The following UGT1A7 variants were observed in gnomAD, a reference collection of about 807,000 sequenced individuals.
UGT1A7 encodes UDP-glucuronosyltransferase 1A7.
UGT1A7 carries 33 observed loss-of-function variants against 45.6 expected under a neutral mutation model. That is an observed-to-expected ratio of 0.72 (90% CI 0.55 to 0.97). The LOEUF is 0.97. Ranked by LOEUF, UGT1A7 falls within the 50% of genes least tolerant of loss-of-function variation. UGT1A7 has a pLI of 0.00. For synonymous variants in UGT1A7, 274 were observed against 250.6 expected, an observed-to-expected ratio of 1.09 and a Z score of -0.88; for missense variants, 684 against 666.2, an observed-to-expected ratio of 1.03 and a Z score of -0.29.
intron 1 of UGT1A7, among the ~76,000 whole-genome samples, chr2:233,715,799 G>A (rs2076471027): frequency 6.6e-6 from 1 of 152,116 alleles, no homozygotes; most frequent in African/African-American, 2.4e-5. Context: ...TTTGGAATGT[G>A]AAAATCTTGT....
At position 233,769,466 on chromosome 2, in the gene UGT1A7, T is replaced by C. The variant is rs1023177408; in HGVS notation, c.1295+1027T>C. On this transcript the variant is annotated intron_variant, in intron 4 of 4. Coordinates refer to ENST00000373426, the MANE Select transcript of UGT1A7 (RefSeq NM_019077.3). The surrounding 1 kb of genome is among the most constrained non-coding windows in gnomAD (Gnocchi z 4.4). ...GTGCACACGTGTGCATTCATATGCG[T>C]GTGTGTGTGTGTGCGTGTGTTTATG... 86 of 1,281,398 alleles carry C rather than the reference T, an allele frequency of 6.7e-5. No homozygotes were observed. The South Asian group carries it at 1.2e-3, about 18-fold the overall frequency. 79.4% of individuals were successfully genotyped at this position (1,281,398 alleles called of 1,614,324 possible).
At chr2:233,733,467 T>C (rs1231122039) in intron 1 of UGT1A7, among the ~76,000 whole-genome samples, 1 of 152,200 alleles carries the variant, frequency 6.6e-6, no homozygotes, top group African/African-American at 2.4e-5. Context: ...GCTCTTATTA[T>C]TTTGAGATAC....
At chr2:233,768,723 C>T (rs1162218085) in intron 4 of UGT1A7, among the ~76,000 whole-genome samples, 1 of 151,234 alleles carries the variant, frequency 6.6e-6, no homozygotes, top group Non-Finnish European at 1.5e-5. Flanking sequence ...GCTGGGATTA[C>T]AGGTGTCCAC....
At chr2:233,705,266 T>G (rs778471512) in intron 1 of UGT1A7, among the ~76,000 whole-genome samples, 1 of 152,250 alleles carries the variant, frequency 6.6e-6, no homozygotes, top group African/African-American at 2.4e-5. Flanking sequence ...ATGGGGTCAC[T>G]TGCTTTCAAC....
intron 1 of UGT1A7, among the ~76,000 whole-genome samples, chr2:233,725,051 G>A: frequency 6.8e-6 from 1 of 147,840 alleles, no homozygotes; most frequent in East Asian, 2.1e-4. Flanking sequence ...GTCAGGCGTG[G>A]CGGCGCGCGC....
intron 1 of UGT1A7, chr2:233,719,434 T>A: frequency 1.9e-6 from 3 of 1,613,970 alleles, no homozygotes; most frequent in Non-Finnish European, 2.5e-6. Flanking sequence ...TCAGACCACA[T>A]GACATTCCTG....
intron 1 of UGT1A7, among the ~76,000 whole-genome samples, chr2:233,758,412 A>C (rs1428441093): frequency 6.6e-6 from 1 of 152,106 alleles, no homozygotes; most frequent in Non-Finnish European, 1.5e-5. Context: ...TACTGTCTAT[A>C]ATCTGCAAAT....
chr2:233,746,051 G>T (rs1270238597), intron 1 of UGT1A7, among the ~76,000 whole-genome samples: 3 of 151,680 alleles, frequency 2.0e-5, no homozygotes, highest in Non-Finnish European at 2.9e-5. Flanking sequence ...TGGATGCAGG[G>T]TCTAGAACGA....
chr2:233,749,178 ACTT>A (rs1418442763), intron 1 of UGT1A7, among the ~76,000 whole-genome samples: 1 of 151,644 alleles, frequency 6.6e-6, no homozygotes, highest in Non-Finnish European at 1.5e-5. Flanking sequence ...TTATTTCTGT[ACTT>A]CTTTTTATTA....
At chr2:233,687,455 G>C (rs559726557) in intron 1 of UGT1A7, among the ~76,000 whole-genome samples, 8 of 152,152 alleles carry the variant, frequency 5.3e-5, no homozygotes, top group African/African-American at 1.9e-4. Flanking sequence ...TATTTACATG[G>C]AAGCTGGCAT....
intron 1 of UGT1A7, among the ~76,000 whole-genome samples, chr2:233,747,017 T>A (rs1217876341): frequency 1.3e-5 from 2 of 151,764 alleles, no homozygotes; most frequent in Non-Finnish European, 2.9e-5. Flanking sequence ...GAGTGATCGG[T>A]CTTTCCCGAA....
chr2:233,743,385 C>T, intron 1 of UGT1A7: 1 of 1,211,156 alleles, frequency 8.3e-7, no homozygotes, highest in Non-Finnish European at 1.1e-6. Flanking sequence ...TACCGTAGGA[C>T]ATGCAGAAGG....
chr2:233,743,959 C>G (rs371517697), intron 1 of UGT1A7: 3 of 1,333,990 alleles, frequency 2.2e-6, no homozygotes, highest in Admixed American at 2.0e-5. Flanking sequence ...GCACAGCGAG[C>G]GGCAAGGCTG....
At chr2:233,726,824 AT>A (rs2077564743) in intron 1 of UGT1A7, among the ~76,000 whole-genome samples, 1 of 152,136 alleles carries the variant, frequency 6.6e-6, no homozygotes, top group Non-Finnish European at 1.5e-5. Context: ...CTATTCGACC[AT>A]TTAAATTTAA....
intron 1 of UGT1A7, chr2:233,690,534 A>C (rs1240259112): frequency 3.1e-6 from 4 of 1,287,984 alleles, no homozygotes; most frequent in Non-Finnish European, 4.0e-6. Flanking sequence ...TACTTCTTTC[A>C]CCCCACTGGA....
chr2:233,730,336 A>G (rs552905312), intron 1 of UGT1A7, among the ~76,000 whole-genome samples: 1 of 152,310 alleles, frequency 6.6e-6, no homozygotes, highest in African/African-American at 2.4e-5. Flanking sequence ...TACGTTTGGA[A>G]CTGATCCATC....
intron 1 of UGT1A7, chr2:233,719,470 C>T (rs568794982): frequency 6.2e-7 from 1 of 1,613,998 alleles, no homozygotes; most frequent in South Asian, 1.1e-5. Flanking sequence ...ATGCTCTACC[C>T]TCTGGCCCTG....
At chr2:233,742,623 T>C (rs1436879759) in intron 1 of UGT1A7, 3 of 151,992 alleles carry the variant, frequency 2.0e-5, no homozygotes, top group Non-Finnish European at 2.9e-5. Flanking sequence ...ACGTTCAGGC[T>C]GAAGACAGTC....
chr2:233,703,154 T>C (rs867081835), intron 1 of UGT1A7, among the ~76,000 whole-genome samples: 24 of 152,318 alleles, frequency 1.6e-4, no homozygotes, highest in African/African-American at 4.8e-4. Context: ...ATTTTGTATT[T>C]CTTCTTGATT....
Sources: allele counts gnomAD v4.1 joint callset (sites outside exome capture counted in the v4.1 genomes callset), GRCh38; gene constraint gnomAD v4.1.1; non-coding constraint Gnocchi (gnomAD v3.1); transcripts MANE v1.5; gene names NCBI Gene and HGNC (gene_info 2026-07-23, HGNC 2026-07-21).